Variants in AGPAT5 observed in about 807,000 individuals in gnomAD.
The protein encoded by AGPAT5 is 1-acylglycerol-3-phosphate O-acyltransferase 5, also known as 1-acyl-sn-glycerol-3-phosphate acyltransferase epsilon.
A neutral mutation model predicts 45.6 loss-of-function variants in AGPAT5; 46 were observed. That is an observed-to-expected ratio of 1.01 (90% CI 0.80 to 1.29). The LOEUF (loss-of-function observed/expected upper bound fraction) is 1.29. Ranked by LOEUF, AGPAT5 falls within the 50% of genes most tolerant of loss-of-function variation. AGPAT5 has a pLI of 0.00. For missense variants in AGPAT5, 673 were observed against 450.7 expected (o/e 1.49, Z -4.47); for synonymous variants, 272 against 167.0 (o/e 1.63, Z -4.85).
chr8:6,715,634 A>G (rs1324473557), intron 1 of AGPAT5, among the ~76,000 whole-genome samples: 1 of 152,192 alleles, frequency 6.6e-6, no homozygotes, highest in Non-Finnish European at 1.5e-5. Context: ...TTTTCTGAAG[A>G]TGCTCTGCCT....
intron 1 of AGPAT5, among the ~76,000 whole-genome samples, chr8:6,716,021 G>T (rs1395464396): frequency 6.6e-6 from 1 of 152,002 alleles, no homozygotes; most frequent in East Asian, 1.9e-4. Flanking sequence ...CTTCTGGGCC[G>T]CCCCTCCCCA....
intron 6 of AGPAT5, among the ~76,000 whole-genome samples, chr8:6,750,051 C>T (rs551835564): frequency 6.6e-6 from 1 of 152,342 alleles, no homozygotes; most frequent in East Asian, 1.9e-4. Flanking sequence ...GTGGCCAATC[C>T]TGCTTTCCAC....
chr8:6,749,809 T>C (rs1801600190), intron 6 of AGPAT5, among the ~76,000 whole-genome samples: 1 of 152,226 alleles, frequency 6.6e-6, no homozygotes, highest in Non-Finnish European at 1.5e-5. Context: ...ATAACCTTGT[T>C]TAAATGCTGC....
At chr8:6,749,495 A>G (rs1801583518) in intron 6 of AGPAT5, among the ~76,000 whole-genome samples, 1 of 152,180 alleles carries the variant, frequency 6.6e-6, no homozygotes, top group African/African-American at 2.4e-5. Flanking sequence ...GCACAGTGAA[A>G]CGTCTTCCTT....
In AGPAT5 at chr8:6,730,815, T is replaced by C; in HGVS notation, c.394T>C (p.Tyr132His). ...AAAATGGCTGCCATTGTATGGGTGT[T>C]ACTTTGCTCAGGTAACTTGTTTCCA... ...GLKWLPLYGC[Y>H]FAQHGGIYVK... The change falls in exon 3 of 8, where the codon TAC becomes CAC. Residue 132 changes from tyrosine (Y) to histidine (H), a missense_variant. Tyr to His is a moderately conservative substitution (Grantham distance 83, BLOSUM62 2). Coordinates refer to ENST00000285518, the MANE Select transcript of AGPAT5 (RefSeq NM_018361.5). The C allele has an allele frequency of 6.2e-7, 1 of 1,612,052 alleles. No individual in the cohort carries two copies. The highest frequency in any genetic ancestry group is 8.5e-7 in the Non-Finnish European group (1 of 1,178,456).
At chr8:6,750,817 A>G (rs1020970261) in intron 6 of AGPAT5, among the ~76,000 whole-genome samples, 1 of 151,756 alleles carries the variant, frequency 6.6e-6, no homozygotes, top group Non-Finnish European at 1.5e-5. Context: ...GCATTTTTAT[A>G]CTTTGCTGTT....
chr8:6,721,839 GTTTTATTTTTAT>G (rs561266110), intron 1 of AGPAT5, among the ~76,000 whole-genome samples: 1 of 151,988 alleles, frequency 6.6e-6, no homozygotes, highest in Non-Finnish European at 1.5e-5. Context: ...GGGAAGGAGG[GTTTTATTTTTAT>G]TTTTATTTTT....
rs1056802867 is a variant in AGPAT5 at position 6,712,548 on chromosome 8, A to G, written c.219+3661A>G. The stretch of plus-strand genomic sequence containing the variant: ...TTGAATGTGGAATGCTTAGAGACTC[A>G]GAGTAAGAGGCCGTATATATATCCT... On this transcript the variant is annotated intron_variant, in intron 1 of 7. Coordinates refer to ENST00000285518, the MANE Select transcript of AGPAT5 (RefSeq NM_018361.5). Among the ~76,000 whole-genome samples, 3 of 152,206 alleles carry G rather than the reference A, an allele frequency of 2.0e-5. 1 individual carries two copies. The highest frequency in any genetic ancestry group is 4.4e-5 in the Non-Finnish European group (3 of 68,028).
chr8:6,741,672 G>A lies in AGPAT5; in HGVS notation c.507G>A (p.Val169=). 6.2e-7 allele frequency: 1 copy of A among 1,604,894 alleles called. No homozygotes were observed. Among genetic ancestry groups the A allele is most frequent in the Non-Finnish European group, 8.5e-7 (1 of 1,176,614 alleles). Reference sequence around the variant, plus strand: ...TCTATGTCCCACAGATGTATCTTGTGATTTTTCCAGAAGGTACAAGGTATA... The same window carrying A: ...TCTATGTCCCACAGATGTATCTTGTAATTTTTCCAGAAGGTACAAGGTATA... The part of the protein sequence containing the change: ...YVDAGTPMYL[V]IFPEGTRYNP... Residue 169 remains valine, a synonymous_variant, in exon 5 of 8, where the codon GTG becomes GTA. Transcript: ENST00000285518.
rs773963046 is a variant in AGPAT5, at chr8:6,747,842, C to T, written c.745+14C>T. ...CGACCATGACGGGTAAGTGTGTTCA[C>T]GCACCTGAAATGCCTGTACACGGTA... On this transcript the variant is annotated intron_variant, in intron 6 of 7. Coordinates refer to ENST00000285518, the MANE Select transcript of AGPAT5 (RefSeq NM_018361.5). 55 of 1,613,014 alleles carry T rather than the reference C, an allele frequency of 3.4e-5. No homozygotes were observed. The highest frequency in any genetic ancestry group is 6.7e-5 in the African/African-American group (5 of 74,914).
Position 6,747,566 on chromosome 8 carries a change from C to T in AGPAT5, c.587-104C>T, listed in dbSNP as rs994381625. 1.2e-5 allele frequency: 13 copies of T among 1,081,008 alleles called. No homozygotes were observed. In the East Asian group the frequency reaches 3.3e-4, roughly 27 times the overall value. 67.0% of individuals were successfully genotyped at this position (1,081,008 alleles called of 1,614,324 possible). On this transcript the variant is annotated intron_variant, in intron 5 of 7. Transcript: ENST00000285518. ...TATGAGGTTGTGGAATTAATAGATTCTGTTGTGTGTGTTTGAGGGAATTTA... is the reference window on the plus strand; with the variant it reads ...TATGAGGTTGTGGAATTAATAGATTTTGTTGTGTGTGTTTGAGGGAATTTA...
At chr8:6,752,736 G>C (rs1381836526) in intron 6 of AGPAT5, among the ~76,000 whole-genome samples, 1 of 152,178 alleles carries the variant, frequency 6.6e-6, no homozygotes, top group Non-Finnish European at 1.5e-5. Context: ...AGGTGCTATA[G>C]GGTGATTTTT....
chr8:6,741,812 T>G (rs983444070), intron 5 of AGPAT5, 61 bp downstream of exon 5: 24 of 1,327,436 alleles, frequency 1.8e-5, no homozygotes, highest in Non-Finnish European at 2.5e-5. Flanking sequence ...TTTTTAGTTT[T>G]TCTTCCTGGA....
chr8:6,730,420 CCTG>C (rs1800824521), intron 2 of AGPAT5, among the ~76,000 whole-genome samples: 1 of 16,182 alleles, frequency 6.2e-5, no homozygotes, highest in Non-Finnish European at 9.4e-5. Context: ...GGCTCCGCCC[CCTG>C]GGGTTCACGC....
chr8:6,755,289 A>G (rs1801797786), intron 7 of AGPAT5, 115 bp downstream of exon 7: 2 of 1,173,730 alleles, frequency 1.7e-6, no homozygotes, highest in African/African-American at 3.2e-5. Flanking sequence ...CATTTTATAA[A>G]TTCAAATCAA....
chr8:6,746,913 C>T (rs914002988), intron 5 of AGPAT5, among the ~76,000 whole-genome samples: 1 of 152,176 alleles, frequency 6.6e-6, no homozygotes, highest in Non-Finnish European at 1.5e-5. Context: ...AAATCCTTAA[C>T]CCTAGTAGGA....
chr8:6,722,638 C>A (rs188719816), intron 1 of AGPAT5, among the ~76,000 whole-genome samples: 100 of 152,272 alleles, frequency 6.6e-4, no homozygotes, highest in African/African-American at 2.4e-3. Flanking sequence ...AAGTTAAAAA[C>A]AACACAGATG....
Position 6,708,907 on chromosome 8 carries a change from C to T in AGPAT5, c.219+20C>T. 1.9e-6 allele frequency: 3 copies of T among 1,587,768 alleles called. No individual in the cohort carries two copies. The highest frequency in any genetic ancestry group is 2.2e-5 in the South Asian group (2 of 88,960). Reference sequence around the variant, plus strand: ...GTCCAGGTGAGCCGCCTCCCGCTCCCGGGTCTCGGCGTCCACCCGAGCTCC... The same window carrying T: ...GTCCAGGTGAGCCGCCTCCCGCTCCTGGGTCTCGGCGTCCACCCGAGCTCC... On this transcript the variant is annotated intron_variant, in intron 1 of 7. Transcript: ENST00000285518.
chr8:6,717,113 C>G (rs183358562), intron 1 of AGPAT5, among the ~76,000 whole-genome samples: 1 of 152,132 alleles, frequency 6.6e-6, no homozygotes. Flanking sequence ...AGAATTCTCA[C>G]GCAGCCAGCA....
Sources: allele counts gnomAD v4.1 joint callset (sites outside exome capture counted in the v4.1 genomes callset), GRCh38; gene constraint gnomAD v4.1.1; transcripts MANE v1.5; gene names NCBI Gene and HGNC (gene_info 2026-07-23, HGNC 2026-07-21).